MRPL38: variants seen among roughly 807,000 people sequenced by gnomAD.
The protein encoded by MRPL38 is mitochondrial ribosomal protein L38, also known as large ribosomal subunit protein mL38.
MRPL38 carries 51 observed loss-of-function variants against 52.1 expected under a neutral mutation model. That is an observed-to-expected ratio of 0.98 (90% CI 0.78 to 1.24). MRPL38 has a LOEUF of 1.24. MRPL38 is among the 50% of genes most tolerant of loss of function. The probability of loss-of-function intolerance (pLI) is 0.00; values close to 1 mark genes in which losing one functional copy is unlikely to be tolerated. For synonymous variants in MRPL38, 245 were observed against 212.7 expected, an observed-to-expected ratio of 1.15 and a Z score of -1.32; for missense variants, 527 against 518.6, an observed-to-expected ratio of 1.02 and a Z score of -0.16.
At chr17:75,899,892 T>A in intron 6 of MRPL38, 3 of 368,436 alleles carry the variant, frequency 8.1e-6, no homozygotes, top group Non-Finnish European at 1.4e-5. Context: ...GGGACAGGGC[T>A]CCAGAGAGCA....
chr17:75,901,574 T>C lies in MRPL38; in HGVS notation c.591+138A>G, dbSNP rs1015859652. On this transcript the variant is annotated intron_variant, in intron 4 of 8. Coordinates refer to ENST00000309352, the MANE Select transcript of MRPL38 (RefSeq NM_032478.4). The surrounding 1 kb of genome is among the most constrained non-coding windows in gnomAD (Gnocchi z 5.7). The stretch of plus-strand genomic sequence containing the variant: ...TCATTTTGTTCTATTTTCTTTGAAA[T>C]TGTCATGGTGTCGTCTTCCAGGAAA... The C allele has an allele frequency of 9.3e-6, 7 of 749,208 alleles. No homozygotes were observed. Among genetic ancestry groups the C allele is most frequent in the African/African-American group, 3.5e-5 (2 of 57,050 alleles). 46.4% of individuals were successfully genotyped at this position (749,208 alleles called of 1,614,324 possible). A position where few individuals can be genotyped will look rare whatever the true frequency, so the allele number is the denominator to read the frequency against.
chr17:75,902,212 C>T, intron 2 of MRPL38, 58 bp from the exon 3 acceptor site: 2 of 1,523,702 alleles, frequency 1.3e-6, no homozygotes, highest in South Asian at 2.5e-5. Flanking sequence ...GCCTTAACCT[C>T]CCCAACTCAG....
intron 6 of MRPL38, chr17:75,899,957 C>T: frequency 3.9e-6 from 1 of 255,670 alleles, no homozygotes. Flanking sequence ...GCCGGTGGGT[C>T]CGCCACAGTC....
rs1378662228 is a variant in MRPL38 at position 75,899,211 on chromosome 17, A to G, written c.953T>C (p.Phe318Ser). The part of the protein sequence containing the change: ...QETMTPAGLS[F>S]FQCRWDDSVT... ...GGAGTCATCCCAGCGGCACTGGAAGAAGGACAAGCCGGCTGGAGTCATGGT... is the reference window on the plus strand; with the variant it reads ...GGAGTCATCCCAGCGGCACTGGAAGGAGGACAAGCCGGCTGGAGTCATGGT... Residue 318 changes from phenylalanine to serine, a missense_variant, in exon 8 of 9, where the codon TTC (phenylalanine) becomes TCC (serine). Transcript: ENST00000309352. The G allele has an allele frequency of 2.5e-6, 4 of 1,609,324 alleles. No homozygotes were observed. Among genetic ancestry groups the G allele is most frequent in the Non-Finnish European group, 3.4e-6 (4 of 1,178,038 alleles).
intron 2 of MRPL38, chr17:75,904,177 G>C (rs2065417746): frequency 2.0e-6 from 1 of 493,204 alleles, no homozygotes; most frequent in Non-Finnish European, 4.1e-6. Context: ...CTTACAATCT[G>C]GGGAGAGGCA....
intron 2 of MRPL38, chr17:75,904,193 C>T (rs2065417841): frequency 2.0e-6 from 1 of 512,058 alleles, no homozygotes. Context: ...AGGCAGCGCA[C>T]AGTCAGAATG....
Position 75,899,568 on chromosome 17 carries a change from A to G in MRPL38, c.817T>C (p.Phe273Leu), listed in dbSNP as rs145698092. 1.3e-5 allele frequency: 21 copies of G among 1,607,058 alleles called. No homozygotes were observed. In the African/African-American group the frequency reaches 1.9e-4, roughly 14 times the overall value. ...SGIHRLAFLL[F>L]KQDQPIDFSE... ...AAGTCAATCGGCTGGTCCTGCTTGA[A>G]GAGCAGGAAGGCAAGACGGTGGATG... Residue 273 changes from phenylalanine (F) to leucine (L), a missense_variant, in exon 7 of 9, where the codon TTC (phenylalanine) becomes CTC (leucine). By Grantham distance (22) the Phe-to-Leu change is conservative (BLOSUM62 0). Transcript: ENST00000309352.
intron 2 of MRPL38, among the ~76,000 whole-genome samples, chr17:75,903,765 G>T (rs1159263981): frequency 6.7e-6 from 1 of 148,854 alleles, no homozygotes; most frequent in African/African-American, 2.5e-5. Flanking sequence ...CGCTCTTGTT[G>T]CCCAGGCTGG....
intron 2 of MRPL38, 147 bp from the exon 3 acceptor site, chr17:75,902,301 G>A: frequency 1.1e-6 from 1 of 871,378 alleles, no homozygotes; most frequent in Non-Finnish European, 1.7e-6. Context: ...ACAGGGTTTT[G>A]CCACATTGCC....
At position 75,898,926 on chromosome 17, in the gene MRPL38, C is replaced by G; in HGVS notation, c.1067G>C (p.Arg356Pro). ...GCGCAGGGGCTGCCGGTGGGGGAAG[C>G]GCTTCTGCTTGGGGTGGTAAGGGGG... ...RPPPYHPKQK[R>P]FPHRQPLRYL... is the part of the protein sequence containing the mutation. Residue 356 changes from arginine (R) to proline (P), a missense_variant, in exon 9 of 9, where the codon CGC becomes CCC. Coordinates refer to ENST00000309352, the MANE Select transcript of MRPL38 (RefSeq NM_032478.4). 6.2e-7 allele frequency: 1 copy of G among 1,610,160 alleles called. No individual in the cohort carries two copies. The highest frequency in any genetic ancestry group is 8.5e-7 in the Non-Finnish European group (1 of 1,179,012).
chr17:75,901,326 G>T lies in MRPL38; in HGVS notation c.592-53C>A. On this transcript the variant is annotated intron_variant, in intron 4 of 8. Transcript: ENST00000309352. This position sits in a 1 kb window ranked among gnomAD's most constrained non-coding sequence, Gnocchi z 5.7. ...CCCCACCAGGGACAGGCCAGCTGTT[G>T]CAGGGAGCCTTGGAGAAAGGGGTGC... 1.3e-6 allele frequency: 2 copies of T among 1,573,156 alleles called. No homozygotes were observed. The highest frequency in any genetic ancestry group is 1.7e-4 in the Middle Eastern group (1 of 5,984).
chr17:75,904,847 A>G lies in MRPL38; in HGVS notation c.29T>C (p.Leu10Pro). The G allele has an allele frequency of 6.2e-6, 9 of 1,445,500 alleles. No individual in the cohort carries two copies. The highest frequency in any genetic ancestry group is 8.2e-6 in the Non-Finnish European group (9 of 1,101,740). The allele number at this position is 1,445,500 out of a possible 1,614,324, so 89.5% of individuals were successfully genotyped here. Reference protein sequence around the residue: MAAPWWRAALCECRRWRGFS... With the variant: MAAPWWRAAPCECRRWRGFS... ...GCCCCGCCATCTCCGACACTCGCAC[A>G]GCGCGGCTCGCCACCAGGGCGCCGC... Residue 10 changes from leucine to proline, a missense_variant, in exon 1 of 9, where the codon CTG becomes CCG. Leu to Pro is a moderately conservative substitution (Grantham distance 98). Coordinates refer to ENST00000309352, the MANE Select transcript of MRPL38 (RefSeq NM_032478.4).
intron 6 of MRPL38, chr17:75,900,749 G>C (rs1190546996): frequency 8.1e-7 from 1 of 1,241,542 alleles, no homozygotes; most frequent in Non-Finnish European, 1.0e-6. Flanking sequence ...GAAAAGAAAA[G>C]ATGAGGAGGC....
intron 8 of MRPL38, 45 bp from the exon 9 acceptor site, chr17:75,899,031 C>T (rs754272143): frequency 2.1e-5 from 32 of 1,547,828 alleles, no homozygotes; most frequent in Non-Finnish European, 2.8e-5. Context: ...TGGCCTGCGC[C>T]CCCTCAGGCT....
rs778452437 is a variant in MRPL38, at chr17:75,901,280, G to A, written c.592-7C>T. On this transcript the variant is annotated splice_region_variant and splice_polypyrimidine_tract_variant and intron_variant, in intron 4 of 8. Transcript: ENST00000309352. The surrounding 1 kb of genome is among the most constrained non-coding windows in gnomAD (Gnocchi z 5.7). ...CCTCTGGCGCTTGGGCAGCCTGGCAGGGTGAGAAGGAAGCTGTCAGCCCCA... is the reference window on the plus strand; with the variant it reads ...CCTCTGGCGCTTGGGCAGCCTGGCAAGGTGAGAAGGAAGCTGTCAGCCCCA... 5 of 1,612,572 alleles carry A rather than the reference G, an allele frequency of 3.1e-6. No individual in the cohort carries two copies. Among genetic ancestry groups the A allele is most frequent in the Non-Finnish European group, 4.2e-6 (5 of 1,179,536 alleles).
chr17:75,904,637 C>A lies in MRPL38; in HGVS notation c.150G>T (p.Lys50Asn). The change falls in exon 2 of 9, where the codon AAG becomes AAT. Residue 50 changes from lysine to asparagine, a missense_variant. Coordinates refer to ENST00000309352, the MANE Select transcript of MRPL38 (RefSeq NM_032478.4). The stretch of plus-strand genomic sequence containing the variant: ...GCCGGTAGCGGTCGAAGCTCCGGTA[C>A]TTCTCCAGCCGCTCCAGGTTGCTCA... ...IDLSNLERLE[K>N]YRSFDRYRRR... 1 of 1,595,688 alleles carries A rather than the reference C, an allele frequency of 6.3e-7. No individual in the cohort carries two copies. Among genetic ancestry groups the A allele is most frequent in the Non-Finnish European group, 8.5e-7 (1 of 1,178,030 alleles).
At position 75,903,807 on chromosome 17, in the gene MRPL38, C is replaced by A. The variant is rs541438836; in HGVS notation, c.247+733G>T. ...ATGGCGCGATCTCGGCTCACCGCAACCTCTGCCTCCTGGGTTCAAGCGATT... is the reference window on the plus strand; with the variant it reads ...ATGGCGCGATCTCGGCTCACCGCAAACTCTGCCTCCTGGGTTCAAGCGATT... On this transcript the variant is annotated intron_variant, in intron 2 of 8. Transcript: ENST00000309352. Among the ~76,000 whole-genome samples the A allele has an allele frequency of 2.6e-5, 4 of 151,940 alleles. No homozygotes were observed. The South Asian group carries it at 6.2e-4, about 24-fold the overall frequency.
chr17:75,901,586 C>A lies in MRPL38; in HGVS notation c.591+126G>T. The A allele has an allele frequency of 2.5e-6, 2 of 792,724 alleles. No individual in the cohort carries two copies. Among genetic ancestry groups the A allele is most frequent in the Non-Finnish European group, 2.1e-6 (1 of 474,170 alleles). 49.1% of individuals were successfully genotyped at this position (792,724 alleles called of 1,614,324 possible). A position where few individuals can be genotyped will look rare whatever the true frequency, so the allele number is the denominator to read the frequency against. ...ATTTTCTTTGAAATTGTCATGGTGT[C>A]GTCTTCCAGGAAATCAAAGAGACAG... On this transcript the variant is annotated intron_variant, in intron 4 of 8. Coordinates refer to ENST00000309352, the MANE Select transcript of MRPL38 (RefSeq NM_032478.4). This position sits in a 1 kb window ranked among gnomAD's most constrained non-coding sequence, Gnocchi z 5.7.
intron 1 of MRPL38, 39 bp downstream of exon 1, chr17:75,904,770 G>GGGGGGGGGGGCCCCCCC: frequency 4.0e-6 from 2 of 500,006 alleles, no homozygotes; most frequent in Non-Finnish European, 5.6e-6. Context: ...TCGGGCGACA[G>GGGGGGGGGGGCCCCCCC]CCCCCCCCCC....
Sources: allele counts gnomAD v4.1 joint callset (sites outside exome capture counted in the v4.1 genomes callset), GRCh38; gene constraint gnomAD v4.1.1; non-coding constraint Gnocchi (gnomAD v3.1); transcripts MANE v1.5; gene names NCBI Gene and HGNC (gene_info 2026-07-23, HGNC 2026-07-21).